The following CNTNAP2 variants were observed in gnomAD, a reference collection of about 807,000 sequenced individuals.
The protein encoded by CNTNAP2 is contactin associated protein 2.
In CNTNAP2, 98 loss-of-function variants were observed where a neutral mutation model predicts 155.2. That is an observed-to-expected ratio of 0.63 (90% CI 0.54 to 0.75). The LOEUF (loss-of-function observed/expected upper bound fraction) is 0.75, where lower values mean the gene tolerates loss of function less well. CNTNAP2 is among the 30% of genes least tolerant of loss of function. The probability of loss-of-function intolerance (pLI) is 0.00; values close to 1 mark genes in which losing one functional copy is unlikely to be tolerated. For missense variants in CNTNAP2, 1,727 were observed against 1,688.1 expected, an observed-to-expected ratio of 1.02 and a Z score of -0.40; for synonymous variants, 651 against 631.2, an observed-to-expected ratio of 1.03 and a Z score of -0.47.
chr7:146,517,314 T>A (rs1797555751), intron 1 of CNTNAP2, among the ~76,000 whole-genome samples: 1 of 151,998 alleles, frequency 6.6e-6, no homozygotes, highest in Admixed American at 6.6e-5. Context: ...TTAAAATTAA[T>A]CCACTATTAG....
chr7:148,054,073 C>T (rs1022269665), intron 15 of CNTNAP2, among the ~76,000 whole-genome samples: 1 of 151,000 alleles, frequency 6.6e-6, no homozygotes, highest in Non-Finnish European at 1.5e-5. Context: ...CCCGGGTTCA[C>T]GCCATTCTCC....
intron 8 of CNTNAP2, among the ~76,000 whole-genome samples, chr7:147,227,993 G>T (rs1803586477): frequency 6.6e-6 from 1 of 152,158 alleles, no homozygotes; most frequent in Non-Finnish European, 1.5e-5. Context: ...GAAGCAGAGA[G>T]TAGAAGCAGA....
chr7:148,411,410 C>T (rs1799834672), intron 23 of CNTNAP2, among the ~76,000 whole-genome samples: 1 of 152,120 alleles, frequency 6.6e-6, no homozygotes, highest in African/African-American at 2.4e-5. Flanking sequence ...GAACTACAGG[C>T]ACGCATCACC....
intron 8 of CNTNAP2, among the ~76,000 whole-genome samples, chr7:147,233,069 G>A (rs1803720415): frequency 3.3e-5 from 5 of 152,138 alleles, no homozygotes; most frequent in Admixed American, 3.3e-4. Context: ...CAAAACGAAG[G>A]TTTATATATT....
chr7:146,960,097 C>A (rs1584750076), intron 3 of CNTNAP2, among the ~76,000 whole-genome samples: 1 of 152,140 alleles, frequency 6.6e-6, no homozygotes, highest in South Asian at 2.1e-4. Context: ...ACACCTTACT[C>A]CTACCACATC....
At chr7:146,663,081 C>A (rs1261096518) in intron 1 of CNTNAP2, among the ~76,000 whole-genome samples, 1 of 151,914 alleles carries the variant, frequency 6.6e-6, no homozygotes, top group Non-Finnish European at 1.5e-5. Context: ...AGTTCGAGAC[C>A]AGCCTGGCCA....
chr7:147,528,462 C>T (rs1049135662), intron 11 of CNTNAP2, among the ~76,000 whole-genome samples: 2 of 152,184 alleles, frequency 1.3e-5, no homozygotes, highest in Non-Finnish European at 2.9e-5. Flanking sequence ...CTGTCTCTCA[C>T]TTGGTCTCCC....
Position 147,106,588 on chromosome 7 carries a change from G to C in CNTNAP2, c.551-1559G>C, listed in dbSNP as rs1800770811. On this transcript the variant is annotated intron_variant, in intron 4 of 23. Coordinates refer to ENST00000361727, the MANE Select transcript of CNTNAP2 (RefSeq NM_014141.6). Reference sequence around the variant, plus strand: ...TAAAGTTTAAGGTCATATTTTTTCTGAATGTTTTATAATATAACATTGTAC... The same window carrying C: ...TAAAGTTTAAGGTCATATTTTTTCTCAATGTTTTATAATATAACATTGTAC... Among the ~76,000 whole-genome samples, 6 of 151,994 alleles carry C rather than the reference G, an allele frequency of 3.9e-5. No individual in the cohort carries two copies. In the South Asian group the frequency reaches 1.2e-3, roughly 31 times the overall value.
chr7:147,516,644 G>C (rs1033520061), intron 11 of CNTNAP2, among the ~76,000 whole-genome samples: 1 of 137,230 alleles, frequency 7.3e-6, no homozygotes, highest in African/African-American at 2.7e-5. Flanking sequence ...GTGTGTGTGT[G>C]TTACTAGGAT....
chr7:147,132,544 CTT>C (rs760167340), intron 8 of CNTNAP2, 35 bp downstream of exon 8: 13 of 1,612,528 alleles, frequency 8.1e-6, no homozygotes, highest in Non-Finnish European at 1.1e-5. Flanking sequence ...GTTCCTGAAA[CTT>C]ATTGCAATTT....
chr7:148,101,613 A>T (rs1804102568), intron 15 of CNTNAP2, among the ~76,000 whole-genome samples: 1 of 152,188 alleles, frequency 6.6e-6, no homozygotes, highest in Non-Finnish European at 1.5e-5. Flanking sequence ...GAATCCATTC[A>T]GTGCTTTGTT....
At chr7:147,566,897 G>A (rs1197657032) in intron 12 of CNTNAP2, among the ~76,000 whole-genome samples, 4 of 152,200 alleles carry the variant, frequency 2.6e-5, no homozygotes, top group African/African-American at 9.6e-5. Context: ...AAAAGTGTCT[G>A]AGAGCATTTG....
Position 147,555,909 on chromosome 7 carries a change from T to G in CNTNAP2, c.1778-6229T>G, listed in dbSNP as rs142420705. Among the ~76,000 whole-genome samples, 818 of 152,376 alleles carry G rather than the reference T, an allele frequency of 5.4e-3. 3 individuals are homozygous for G. The highest frequency in any genetic ancestry group is 9.7e-3 in the Non-Finnish European group (661 of 68,040). On this transcript the variant is annotated intron_variant, in intron 11 of 23. Transcript: ENST00000361727. ...ATGTTTCTCCCCCTACCCTATCCAT[T>G]CTTTAATCGATGCTTTATTTCCCAG...
chr7:147,860,312 T>C (rs1022287837), intron 13 of CNTNAP2, among the ~76,000 whole-genome samples: 13 of 151,990 alleles, frequency 8.6e-5, no homozygotes, highest in African/African-American at 2.2e-4. Flanking sequence ...GTAATCCCAG[T>C]GTTCAGGAGG....
rs569130549 is a variant in CNTNAP2, at chr7:148,239,042, T to G, written c.3381+9263T>G. 5.7e-3 allele frequency among the ~76,000 whole-genome samples: 418 copies of G among 73,352 alleles called. 2 individuals are homozygous for G. Among genetic ancestry groups the G allele is most frequent in the Admixed American group, 0.016 (86 of 5,318 alleles). The allele number at this position is 73,352 out of a possible 152,430, so 48.1% of individuals were successfully genotyped here. On this transcript the variant is annotated intron_variant, in intron 20 of 23. Coordinates refer to ENST00000361727, the MANE Select transcript of CNTNAP2 (RefSeq NM_014141.6). The stretch of plus-strand genomic sequence containing the variant: ...AGTTGACCTAGCTAGCCTAGGGCAC[T>G]GCTCTTGAAATTACATTTACTGTAA...
At chr7:146,828,642 T>A (rs1803452735) in intron 2 of CNTNAP2, among the ~76,000 whole-genome samples, 1 of 152,048 alleles carries the variant, frequency 6.6e-6, no homozygotes, top group East Asian at 1.9e-4. Context: ...CTACCTGAGA[T>A]AACACACAAA....
At chr7:146,962,363 TTTGAGTGCAA>T (rs1482377845) in intron 3 of CNTNAP2, among the ~76,000 whole-genome samples, 1 of 152,204 alleles carries the variant, frequency 6.6e-6, no homozygotes, top group Non-Finnish European at 1.5e-5. Flanking sequence ...TGAGTTCATA[TTTGAGTGCAA>T]AATTCTTCTT....
intron 13 of CNTNAP2, among the ~76,000 whole-genome samples, chr7:147,865,395 T>G (rs554056927): frequency 6.6e-6 from 1 of 152,278 alleles, no homozygotes; most frequent in South Asian, 2.1e-4. Flanking sequence ...TCTCTTTTTT[T>G]GTTGTCTCTC....
In CNTNAP2 at chr7:147,903,734, G is replaced by T. The variant is rs201258989; in HGVS notation, c.2255+13G>T. ...ACTACAAGCAATGGTGAGTGCCTGCGGGCAGCACAGCCAGGCTCACCCTCC... is the reference window on the plus strand; with the variant it reads ...ACTACAAGCAATGGTGAGTGCCTGCTGGCAGCACAGCCAGGCTCACCCTCC... On this transcript the variant is annotated intron_variant, in intron 14 of 23. Transcript: ENST00000361727. The T allele has an allele frequency of 3.1e-6, 5 of 1,612,608 alleles. No homozygotes were observed. Among genetic ancestry groups the T allele is most frequent in the Non-Finnish European group, 4.2e-6 (5 of 1,179,460 alleles).
Sources: allele counts gnomAD v4.1 joint callset (sites outside exome capture counted in the v4.1 genomes callset), GRCh38; gene constraint gnomAD v4.1.1; transcripts MANE v1.5; gene names NCBI Gene and HGNC (gene_info 2026-07-23, HGNC 2026-07-21).